Variants in FRY observed in about 807,000 individuals in gnomAD.
FRY encodes the protein protein furry homolog.
FRY carries 128 observed loss-of-function variants against 348.4 expected under a neutral mutation model. The ratio of observed to expected loss-of-function variants is 0.37; its 90% CI spans 0.32 to 0.43. The LOEUF (loss-of-function observed/expected upper bound fraction) is 0.43. FRY is among the 20% of genes least tolerant of loss of function. The probability of loss-of-function intolerance (pLI) is 1.00; values close to 1 mark genes in which losing one functional copy is unlikely to be tolerated. For missense variants in FRY, 2,736 were observed against 3,695.2 expected (o/e 0.74, Z 6.73); for synonymous variants, 1,370 against 1,374.7 (o/e 1.00, Z 0.08).
Position 32,056,188 on chromosome 13 carries a change from T to TAA in FRY, c.71-22629_71-22628dup, listed in dbSNP as rs1252421652. ...CCTGGTGACAGAGCGAGACTCCATC[T>TAA]AAAAAAAAAAAAAAAAAAGGAATAT... On this transcript the variant is annotated intron_variant, in intron 1 of 60. Coordinates refer to ENST00000542859, the MANE Select transcript of FRY (RefSeq NM_023037.3). Among the ~76,000 whole-genome samples, 1,079 of 119,706 alleles carry TAA rather than the reference T, an allele frequency of 9.0e-3. 16 individuals carry two copies. The highest frequency in any genetic ancestry group is 0.029 in the African/African-American group (899 of 31,082). 78.5% of individuals were successfully genotyped at this position (119,706 alleles called of 152,430 possible).
intron 36 of FRY, among the ~76,000 whole-genome samples, chr13:32,223,566 A>G (rs528092569): frequency 6.6e-6 from 1 of 152,178 alleles, no homozygotes; most frequent in Non-Finnish European, 1.5e-5. Context: ...ACTTGAGTCC[A>G]GGAGTTCGAG....
rs570732696 is a variant in FRY, at chr13:32,234,652, G to A, written c.5606G>A (p.Arg1869Gln). Residue 1869 changes from arginine to glutamine, a missense_variant, in exon 42 of 61, where the codon CGG (arginine) becomes CAG (glutamine). Around this residue, in one of 9 missense-constraint regions of FRY, gnomAD observed 794 missense variants for 977.0 expected, o/e 0.81. Coordinates refer to ENST00000542859, the MANE Select transcript of FRY (RefSeq NM_023037.3). Reference sequence around the variant, plus strand: ...AGCTCTTCAAGGCACTATGCTGGTCGGTCCTTCCAGATATTCCGGGCCCTC... The same window carrying A: ...AGCTCTTCAAGGCACTATGCTGGTCAGTCCTTCCAGATATTCCGGGCCCTC... ...LASSSRHYAG[R>Q]SFQIFRALKQ... The A allele has an allele frequency of 5.6e-6, 9 of 1,613,968 alleles. No homozygotes were observed. The highest frequency in any genetic ancestry group is 7.6e-6 in the Non-Finnish European group (9 of 1,179,958).
At chr13:32,095,577 T>A (rs1219519554) in intron 2 of FRY, among the ~76,000 whole-genome samples, 4 of 152,078 alleles carry the variant, frequency 2.6e-5, no homozygotes, top group African/African-American at 4.8e-5. Flanking sequence ...ACTCCTGACC[T>A]CGTGATCCAC....
chr13:32,212,952 A>G (rs189664096), intron 35 of FRY, among the ~76,000 whole-genome samples: 247 of 152,106 alleles, frequency 1.6e-3, no homozygotes, highest in Non-Finnish European at 3.0e-3. Context: ...TAGTCAAATC[A>G]GAGTCACTCT....
chr13:32,194,221 A>G lies in FRY; in HGVS notation c.3670A>G (p.Ile1224Val), dbSNP rs749198627. The change falls in exon 29 of 61, where the codon ATT becomes GTT. Residue 1224 changes from isoleucine (I) to valine (V), a missense_variant. Coordinates refer to ENST00000542859, the MANE Select transcript of FRY (RefSeq NM_023037.3). ...CCAAATAAATCTTTTTAACTGGGCA[A>G]TTGACCGATGCTACACAGGTTCCTA... ...PDQINLFNWA[I>V]DRCYTGSYQL... is the part of the protein sequence containing the mutation. 1.9e-6 allele frequency: 3 copies of G among 1,614,098 alleles called. No individual in the cohort carries two copies. Among genetic ancestry groups the G allele is most frequent in the Admixed American group, 3.3e-5 (2 of 60,028 alleles).
chr13:32,226,441 T>TG (rs937274227), intron 39 of FRY, among the ~76,000 whole-genome samples: 3 of 152,168 alleles, frequency 2.0e-5, no homozygotes, highest in African/African-American at 7.2e-5. Flanking sequence ...ACACCATTAG[T>TG]GGGAGCCTGT....
At position 32,271,613 on chromosome 13, in the gene FRY, C is replaced by T. The variant is rs573790337; in HGVS notation, c.8137-3229C>T. ...TCCACTGGGGACTCTCTAGCAACTT[C>T]TGAGAGAATACTCAGATTGCAGGAG... On this transcript the variant is annotated intron_variant, in intron 55 of 60. Transcript: ENST00000542859. Among the ~76,000 whole-genome samples the T allele has an allele frequency of 2.0e-5, 3 of 152,350 alleles. No homozygotes were observed. In the South Asian group the frequency reaches 6.2e-4, roughly 32 times the overall value.
intron 58 of FRY, among the ~76,000 whole-genome samples, chr13:32,284,323 A>G (rs1888949129): frequency 6.6e-6 from 1 of 152,242 alleles, no homozygotes; most frequent in Admixed American, 6.5e-5. Context: ...ATAATCTATG[A>G]ATGAGAAGCC....
chr13:32,141,395 G>T (rs1880062529), intron 11 of FRY, among the ~76,000 whole-genome samples: 1 of 152,170 alleles, frequency 6.6e-6, no homozygotes. Context: ...ATATAACAAA[G>T]AAATAGATTT....
intron 46 of FRY, among the ~76,000 whole-genome samples, chr13:32,242,685 C>T (rs1886581914): frequency 6.6e-6 from 1 of 152,136 alleles, no homozygotes; most frequent in South Asian, 2.1e-4. Context: ...CAGGCACCCA[C>T]CACTACGCCC....
intron 23 of FRY, among the ~76,000 whole-genome samples, chr13:32,180,195 C>A (rs1183160523): frequency 2.0e-5 from 3 of 152,128 alleles, no homozygotes; most frequent in African/African-American, 7.2e-5. Context: ...AAAACCCTTT[C>A]CAATGTGTTC....
At chr13:32,063,752 G>C (rs1874081076) in intron 1 of FRY, among the ~76,000 whole-genome samples, 4 of 152,170 alleles carry the variant, frequency 2.6e-5, no homozygotes, top group Admixed American at 2.0e-4. Flanking sequence ...CATACCCTTA[G>C]TCACGTTCTC....
chr13:32,262,937 A>G (rs1434506617), intron 53 of FRY, among the ~76,000 whole-genome samples: 2 of 152,272 alleles, frequency 1.3e-5, no homozygotes, highest in African/African-American at 2.4e-5. Flanking sequence ...TTGGCATACT[A>G]TCAGAATTTT....
chr13:32,192,843 A>G (rs1461201384), intron 28 of FRY, among the ~76,000 whole-genome samples: 1 of 149,754 alleles, frequency 6.7e-6, no homozygotes, highest in South Asian at 2.1e-4. Flanking sequence ...TCCCGGGTTC[A>G]AGTGATTCTC....
chr13:32,242,843 A>T lies in FRY; in HGVS notation c.6688-1199A>T, dbSNP rs150104730. Among the ~76,000 whole-genome samples the T allele has an allele frequency of 4.2e-3, 632 of 152,216 alleles. 5 individuals carry two copies. The highest frequency in any genetic ancestry group is 0.03 in the South Asian group (143 of 4,826). On this transcript the variant is annotated intron_variant, in intron 46 of 60. Coordinates refer to ENST00000542859, the MANE Select transcript of FRY (RefSeq NM_023037.3). ...AGCCACCGCGCCCTGCTCTTTCCTC[A>T]TGTTTTAACCACTCCGTAAATATTG...
intron 51 of FRY, among the ~76,000 whole-genome samples, chr13:32,259,493 A>G (rs80033571): frequency 4.3e-4 from 66 of 152,318 alleles, no homozygotes; most frequent in African/African-American, 1.4e-3. Flanking sequence ...TGTGCCTGGT[A>G]TAGCCTTCTC....
At chr13:32,182,276 A>C (rs570909861) in intron 23 of FRY, among the ~76,000 whole-genome samples, 60 of 152,346 alleles carry the variant, frequency 3.9e-4, no homozygotes, top group African/African-American at 1.4e-3. Context: ...TAATGTTGAG[A>C]ACTGGAGATA....
chr13:32,110,008 C>T (rs985618173), intron 3 of FRY, among the ~76,000 whole-genome samples: 2 of 152,180 alleles, frequency 1.3e-5, no homozygotes, highest in African/African-American at 2.4e-5. Context: ...AGGGACATCA[C>T]GGAAGATGCA....
chr13:32,241,062 C>T (rs1371665030), intron 46 of FRY, among the ~76,000 whole-genome samples: 2 of 152,228 alleles, frequency 1.3e-5, no homozygotes, highest in Admixed American at 6.5e-5. Flanking sequence ...AGGAACCTCT[C>T]ATAAGTACCA....
Sources: allele counts gnomAD v4.1 joint callset (sites outside exome capture counted in the v4.1 genomes callset), GRCh38; gene constraint gnomAD v4.1.1; regional missense constraint gnomAD v4.1.1; transcripts MANE v1.5; gene names NCBI Gene and HGNC (gene_info 2026-07-23, HGNC 2026-07-21).